Variants in BRWD1 observed in about 807,000 individuals in gnomAD.
BRWD1 encodes the protein bromodomain and WD repeat-containing protein 1.
BRWD1 carries 82 observed loss-of-function variants against 251.2 expected under a neutral mutation model. That is an observed-to-expected ratio of 0.33 (90% CI 0.27 to 0.39). The LOEUF is 0.39. Among genes scored for constraint, BRWD1 ranks in the 10% least tolerant of loss-of-function variants. The probability of loss-of-function intolerance (pLI) is 1.00; values close to 1 mark genes in which losing one functional copy is unlikely to be tolerated. For missense variants in BRWD1, 2,233 were observed against 2,711.6 expected, an observed-to-expected ratio of 0.82 and a Z score of 3.92; for synonymous variants, 918 against 902.8, an observed-to-expected ratio of 1.02 and a Z score of -0.30.
At chr21:39,298,044 C>A (rs781230409) in intron 5 of BRWD1, 2 of 986,974 alleles carry the variant, frequency 2.0e-6, no homozygotes, top group African/African-American at 1.7e-5. Flanking sequence ...TAACAAAGGG[C>A]TTTCAGAAGC....
chr21:39,280,497 A>G (rs562398093), intron 8 of BRWD1, among the ~76,000 whole-genome samples: 2 of 152,042 alleles, frequency 1.3e-5, no homozygotes, highest in South Asian at 4.2e-4. Context: ...GTGGAGATCT[A>G]GTCCTACTAG....
Position 39,247,812 on chromosome 21 carries a change from T to C in BRWD1, c.2370A>G (p.Val790=), listed in dbSNP as rs2034248539. ...TACATGTCCTTTGTCTAGACTGTGA[T>C]ACCAAAACCACTGAATCCGACTGAA... ...LSHKSDSVVL[V]SQSRQRTCRR... The change falls in exon 21 of 41, where the codon GTA becomes GTG. Residue 790 remains valine (V), a synonymous_variant. Transcript: ENST00000342449. 2 of 1,606,090 alleles carry C rather than the reference T, an allele frequency of 1.2e-6. No individual in the cohort carries two copies. The highest frequency in any genetic ancestry group is 2.2e-5 in the East Asian group (1 of 44,554).
chr21:39,243,264 A>AT (rs1457578063), intron 21 of BRWD1, among the ~76,000 whole-genome samples: 1 of 152,242 alleles, frequency 6.6e-6, no homozygotes, highest in East Asian at 1.9e-4. Context: ...TCATCAAAAA[A>AT]TATCAACATT....
In BRWD1 at chr21:39,189,653, C is replaced by G; in HGVS notation, c.*6606G>C. 2 of 981,502 alleles carry G rather than the reference C, an allele frequency of 2.0e-6. No individual in the cohort carries two copies. The highest frequency in any genetic ancestry group is 2.4e-6 in the Non-Finnish European group (2 of 826,458). The allele number at this position is 981,502 out of a possible 1,614,324, so 60.8% of individuals were successfully genotyped here. A position where few individuals can be genotyped will look rare whatever the true frequency, so the allele number is the denominator to read the frequency against. ...GAATTTCAGAGAATAAGGATAAAAA[C>G]AATCTGAGGAAGACAAAACTGTGGA... On this transcript the variant is annotated 3_prime_UTR_variant, in exon 41 of 41. Coordinates refer to ENST00000342449, the MANE Select transcript of BRWD1 (RefSeq NM_033656.4).
At chr21:39,224,932 T>C (rs1477176494) in intron 28 of BRWD1, among the ~76,000 whole-genome samples, 154 bp downstream of exon 28, 4 of 151,336 alleles carry the variant, frequency 2.6e-5, no homozygotes, top group African/African-American at 9.8e-5. Context: ...AAACAAAGAG[T>C]AGGTGCATGT....
At chr21:39,212,836 CAAAG>C in intron 33 of BRWD1, 129 bp from the exon 34 acceptor site, 1 of 599,374 alleles carries the variant, frequency 1.7e-6, no homozygotes, top group Non-Finnish European at 2.8e-6. Context: ...TCAAAATCTC[CAAAG>C]AAAGACTACC....
chr21:39,267,470 G>C (rs1019715390), intron 15 of BRWD1, among the ~76,000 whole-genome samples: 2 of 152,130 alleles, frequency 1.3e-5, no homozygotes, highest in African/African-American at 4.8e-5. Flanking sequence ...GTGGTGGCAG[G>C]CGCGTGTAAT....
chr21:39,314,166 G>A (rs1441562325), upstream of BRWD1: 2 of 456,018 alleles, frequency 4.4e-6, no homozygotes, highest in Non-Finnish European at 8.8e-6. Flanking sequence ...AGCTTTTAAA[G>A]TGAGGATTGG....
In BRWD1 at chr21:39,236,794, G is replaced by C. The variant is rs760078119; in HGVS notation, c.2577-10C>G. ...TCTAGATGAAGAGTCACTAGAAAAGGGGAGTGCTTTCAGTTGAATGGAGCC... is the reference window on the plus strand; with the variant it reads ...TCTAGATGAAGAGTCACTAGAAAAGCGGAGTGCTTTCAGTTGAATGGAGCC... On this transcript the variant is annotated splice_polypyrimidine_tract_variant and intron_variant, in intron 22 of 40. Coordinates refer to ENST00000342449, the MANE Select transcript of BRWD1 (RefSeq NM_033656.4). The C allele has an allele frequency of 6.2e-7, 1 of 1,610,052 alleles. No homozygotes were observed. The highest frequency in any genetic ancestry group is 1.3e-5 in the African/African-American group (1 of 74,726).
intron 4 of BRWD1, among the ~76,000 whole-genome samples, chr21:39,303,038 AAC>A (rs907700160): frequency 2.0e-5 from 3 of 152,090 alleles, no homozygotes; most frequent in African/African-American, 4.8e-5. Flanking sequence ...CATCCTGCAC[AAC>A]AGAGACTCCG....
At position 39,197,409 on chromosome 21, in the gene BRWD1, G is replaced by A; in HGVS notation, c.5660C>T (p.Ala1887Val). The A allele has an allele frequency of 6.4e-7, 1 of 1,562,180 alleles. No individual in the cohort carries two copies. Among genetic ancestry groups the A allele is most frequent in the Non-Finnish European group, 8.6e-7 (1 of 1,156,950 alleles). Residue 1887 changes from alanine (A) to valine (V), a missense_variant, in exon 41 of 41, where the codon GCA becomes GTA. Physicochemically the swap from Ala to Val is moderately conservative, Grantham distance 64 (BLOSUM62 0). Around this residue, in one of 12 missense-constraint regions of BRWD1, gnomAD observed 928 missense variants for 970.0 expected, o/e 0.96. Transcript: ENST00000342449. ...EKPNNFMKDSASQDNGLSRKI... is the reference protein window; with the variant it reads ...EKPNNFMKDSVSQDNGLSRKI... ...TCTGCTTAGTCCATTGTCTTGTGAT[G>A]CAGAATCTAAAAGTTAAAGAGCAGA...
chr21:39,218,601 AT>A lies in BRWD1; in HGVS notation c.3441del (p.Lys1147AsnfsTer27). The A allele has an allele frequency of 6.2e-7, 1 of 1,612,202 alleles. No individual in the cohort carries two copies. The highest frequency in any genetic ancestry group is 8.5e-7 in the Non-Finnish European group (1 of 1,179,342). ...TCACCAGCTTGTGGTTTATAGAGCA[AT>A]TTCTCTAGCTCATCTGTTGTGACAG... ...SISVTTDELE[K>X]LLYKPQAGEW... On this transcript the variant is annotated frameshift_variant, in exon 30 of 41. Transcript: ENST00000342449. LOFTEE classifies it high-confidence loss of function.
At chr21:39,212,895 T>C (rs1320175474) in intron 33 of BRWD1, among the ~76,000 whole-genome samples, 188 bp from the exon 34 acceptor site, 1 of 152,300 alleles carries the variant, frequency 6.6e-6, no homozygotes, top group African/African-American at 2.4e-5. Flanking sequence ...AAAATCATTC[T>C]TAATAATCCT....
At position 39,194,448 on chromosome 21, in the gene BRWD1, T is replaced by C. The variant is rs187025419; in HGVS notation, c.*1811A>G. ...TTTCAGTCTTAGTCAAGGACAATTATCATGAATCAATCTGTTTACTATCTA... is the reference window on the plus strand; with the variant it reads ...TTTCAGTCTTAGTCAAGGACAATTACCATGAATCAATCTGTTTACTATCTA... On this transcript the variant is annotated 3_prime_UTR_variant, in exon 41 of 41. Transcript: ENST00000342449. 319 of 1,323,344 alleles carry C rather than the reference T, an allele frequency of 2.4e-4. No homozygotes were observed. In the African/African-American group the frequency reaches 4.3e-3, roughly 18 times the overall value. The allele number at this position is 1,323,344 out of a possible 1,614,324, so 82.0% of individuals were successfully genotyped here. A position where few individuals can be genotyped will look rare whatever the true frequency, so the allele number is the denominator to read the frequency against.
intron 8 of BRWD1, among the ~76,000 whole-genome samples, chr21:39,282,657 G>A (rs1319269673): frequency 6.6e-6 from 1 of 152,002 alleles, no homozygotes; most frequent in Non-Finnish European, 1.5e-5. Context: ...ACCTTGCAGA[G>A]TACTTTGAGA....
intron 17 of BRWD1, among the ~76,000 whole-genome samples, chr21:39,262,392 C>G (rs992872393): frequency 8.5e-5 from 13 of 152,118 alleles, no homozygotes; most frequent in African/African-American, 2.9e-4. Context: ...TCAAAAGCAC[C>G]ACACTAAGTC....
chr21:39,273,988 G>C (rs1014062768), intron 13 of BRWD1, among the ~76,000 whole-genome samples: 3 of 151,918 alleles, frequency 2.0e-5, no homozygotes, highest in Non-Finnish European at 4.4e-5. Context: ...CCCAGCCTTG[G>C]CTCTAAGCTA....
chr21:39,272,045 T>A, intron 13 of BRWD1, among the ~76,000 whole-genome samples: 1 of 145,464 alleles, frequency 6.9e-6, no homozygotes, highest in African/African-American at 2.6e-5. Flanking sequence ...ATGAGTGTTA[T>A]AAAACAGCTA....
chr21:39,209,543 T>C (rs1279480508), intron 36 of BRWD1, among the ~76,000 whole-genome samples: 1 of 152,232 alleles, frequency 6.6e-6, no homozygotes, highest in Non-Finnish European at 1.5e-5. Flanking sequence ...GGTCTTAATC[T>C]GATAGCTCAT....
Sources: allele counts gnomAD v4.1 joint callset (sites outside exome capture counted in the v4.1 genomes callset), GRCh38; gene constraint gnomAD v4.1.1; regional missense constraint gnomAD v4.1.1; transcripts MANE v1.5; gene names NCBI Gene and HGNC (gene_info 2026-07-23, HGNC 2026-07-21).